TMEFF2: variants seen among roughly 807,000 people sequenced by gnomAD.
The protein encoded by TMEFF2 is tomoregulin-2.
In TMEFF2, 28 loss-of-function variants were observed where a neutral mutation model predicts 53.8. The observed-to-expected ratio is 0.52, with a 90% CI of 0.39 to 0.71. The LOEUF (loss-of-function observed/expected upper bound fraction) is 0.71, where lower values mean the gene tolerates loss of function less well. TMEFF2 is among the 30% of genes least tolerant of loss of function. The pLI, the probability that TMEFF2 is intolerant of heterozygous loss-of-function variation, is 0.00. For synonymous variants in TMEFF2, 162 were observed against 166.3 expected (o/e 0.97, Z 0.20); for missense variants, 353 against 455.2 (o/e 0.78, Z 2.04).
In TMEFF2 at chr2:192,194,149, C is replaced by G. The variant is rs571283140; in HGVS notation, c.172+204G>C. On this transcript the variant is annotated intron_variant, in intron 1 of 9. Transcript: ENST00000272771. This position sits in a 1 kb window ranked among gnomAD's most constrained non-coding sequence, Gnocchi z 4.2. ...GCAAAGGTTTCCTGCTACACCTGCA[C>G]TTTCTGCCCATCCCAGAACCACCCC... Among the ~76,000 whole-genome samples the G allele has an allele frequency of 2.0e-4, 30 of 152,274 alleles. No individual in the cohort carries two copies. Among genetic ancestry groups the G allele is most frequent in the Non-Finnish European group, 3.4e-4 (23 of 68,016 alleles).
At chr2:192,162,147 C>A (rs781028400) in intron 4 of TMEFF2, among the ~76,000 whole-genome samples, 1 of 151,990 alleles carries the variant, frequency 6.6e-6, no homozygotes, top group Non-Finnish European at 1.5e-5. Context: ...GCAAATGACC[C>A]CAAAGTAAAC....
intron 5 of TMEFF2, among the ~76,000 whole-genome samples, chr2:192,008,542 A>T (rs1686554866): frequency 6.6e-6 from 1 of 152,224 alleles, no homozygotes; most frequent in African/African-American, 2.4e-5. Flanking sequence ...TGGAAAACAT[A>T]TTCAATAACC....
At chr2:191,969,772 A>G (rs1692582262) in intron 7 of TMEFF2, among the ~76,000 whole-genome samples, 1 of 152,200 alleles carries the variant, frequency 6.6e-6, no homozygotes, top group African/African-American at 2.4e-5. Context: ...GCCAGAAGGC[A>G]TACCATCTCT....
chr2:192,139,406 T>C (rs1429533904), intron 4 of TMEFF2, among the ~76,000 whole-genome samples: 2 of 152,156 alleles, frequency 1.3e-5, no homozygotes, highest in Non-Finnish European at 2.9e-5. Context: ...CAAGAGGTAA[T>C]TGAAGCACAA....
At chr2:192,061,491 G>A (rs1688043136) in intron 4 of TMEFF2, among the ~76,000 whole-genome samples, 1 of 152,096 alleles carries the variant, frequency 6.6e-6, no homozygotes, top group Non-Finnish European at 1.5e-5. Flanking sequence ...TATATGTGAG[G>A]ATGTGCATAG....
chr2:192,130,323 T>A (rs192351983), intron 4 of TMEFF2, among the ~76,000 whole-genome samples: 3 of 152,278 alleles, frequency 2.0e-5, no homozygotes, highest in Non-Finnish European at 4.4e-5. Flanking sequence ...CTTCTAATAA[T>A]GCAATCTCCA....
chr2:192,140,227 A>T (rs1400227696), intron 4 of TMEFF2, among the ~76,000 whole-genome samples: 1 of 152,202 alleles, frequency 6.6e-6, no homozygotes, highest in African/African-American at 2.4e-5. Flanking sequence ...AGGACAGAAG[A>T]TGTTTTCTTG....
intron 7 of TMEFF2, among the ~76,000 whole-genome samples, chr2:191,968,896 AAATT>A (rs1233072232): frequency 8.5e-5 from 13 of 152,140 alleles, no homozygotes; most frequent in Admixed American, 2.0e-4. Context: ...AGAAAAAAAT[AAATT>A]GAGTTTTTGG....
rs138833956 is a variant in TMEFF2 at position 192,050,058 on chromosome 2, T to G, written c.536+7621A>C. Among the ~76,000 whole-genome samples, 422 of 152,256 alleles carry G rather than the reference T, an allele frequency of 2.8e-3. 3 individuals carry two copies. Among genetic ancestry groups the G allele is most frequent in the African/African-American group, 9.7e-3 (403 of 41,556 alleles). On this transcript the variant is annotated intron_variant, in intron 5 of 9. Coordinates refer to ENST00000272771, the MANE Select transcript of TMEFF2 (RefSeq NM_016192.4). ...GAAACAAGTAATGAAAACTGTTAAG[T>G]TAGTGGTAGAAATACAATCTGTACT...
intron 3 of TMEFF2, among the ~76,000 whole-genome samples, chr2:192,182,013 G>C (rs752904743): frequency 4.6e-5 from 7 of 151,880 alleles, no homozygotes; most frequent in Non-Finnish European, 1.0e-4. Flanking sequence ...AAGAAGTCAT[G>C]CTGTTAGACC....
chr2:192,193,704 C>T (rs1440053166), intron 1 of TMEFF2, among the ~76,000 whole-genome samples: 1 of 148,942 alleles, frequency 6.7e-6, no homozygotes, highest in Non-Finnish European at 1.5e-5. Flanking sequence ...ACTGCAAAAC[C>T]AATGTCTTTT....
chr2:192,078,066 TAAGAA>T lies in TMEFF2; in HGVS notation c.440-20296_440-20292del, dbSNP rs1054860718. On this transcript the variant is annotated intron_variant, in intron 4 of 9. Transcript: ENST00000272771. ...TCAAATCTGACCAATTATAAACACT[TAAGAA>T]AAGGAAAGAATGCTTATTCCAAAGG... Among the ~76,000 whole-genome samples, 12 of 152,056 alleles carry T rather than the reference TAAGAA, an allele frequency of 7.9e-5. No homozygotes were observed. In the South Asian group the frequency reaches 1.0e-3, roughly 13 times the overall value.
chr2:191,949,339 C>A lies in TMEFF2; in HGVS notation c.*972G>T. 2.0e-6 allele frequency: 2 copies of A among 985,400 alleles called. No individual in the cohort carries two copies. The highest frequency in any genetic ancestry group is 2.4e-6 in the Non-Finnish European group (2 of 829,912). 61.0% of individuals were successfully genotyped at this position (985,400 alleles called of 1,614,324 possible). ...TTTCATGAAATATCGTCATCATCAT[C>A]TTAGTTCCATTACAAATTATGGTGC... On this transcript the variant is annotated 3_prime_UTR_variant, in exon 10 of 10. Coordinates refer to ENST00000272771, the MANE Select transcript of TMEFF2 (RefSeq NM_016192.4).
intron 4 of TMEFF2, among the ~76,000 whole-genome samples, chr2:192,105,877 A>T (rs1689134201): frequency 6.6e-6 from 1 of 151,934 alleles, no homozygotes; most frequent in East Asian, 1.9e-4. Flanking sequence ...AACTTGTGTC[A>T]GAAATAGGGT....
chr2:192,138,322 G>A lies in TMEFF2; in HGVS notation c.439+41346C>T, dbSNP rs555775214. ...TTGTGACATCGGTACAGATATCTGA[G>A]CCAACGTAAGTGGCTAAGGGATAAT... is the stretch of plus-strand genomic sequence containing the variant. On this transcript the variant is annotated intron_variant, in intron 4 of 9. Coordinates refer to ENST00000272771, the MANE Select transcript of TMEFF2 (RefSeq NM_016192.4). 1.4e-4 allele frequency among the ~76,000 whole-genome samples: 22 copies of A among 152,310 alleles called. No individual in the cohort carries two copies. In the East Asian group the frequency reaches 3.9e-3, roughly 27 times the overall value.
chr2:191,963,340 C>T (rs1461792374), intron 7 of TMEFF2, among the ~76,000 whole-genome samples: 2 of 152,164 alleles, frequency 1.3e-5, no homozygotes, highest in Non-Finnish European at 2.9e-5. Context: ...TGTGGTTAAT[C>T]CAGGCATCCT....
At chr2:192,142,635 T>A (rs756029147) in intron 4 of TMEFF2, among the ~76,000 whole-genome samples, 25 of 152,250 alleles carry the variant, frequency 1.6e-4, no homozygotes, top group Non-Finnish European at 3.4e-4. Flanking sequence ...AAAGAAGTGT[T>A]AACTAAAAAT....
chr2:192,147,676 C>T (rs1420197625), intron 4 of TMEFF2, among the ~76,000 whole-genome samples: 3 of 152,044 alleles, frequency 2.0e-5, no homozygotes, highest in African/African-American at 7.2e-5. Context: ...GCTACATCTA[C>T]TTGCAATTTC....
intron 5 of TMEFF2, among the ~76,000 whole-genome samples, chr2:192,049,898 G>A (rs940934165): frequency 2.6e-5 from 4 of 152,146 alleles, no homozygotes; most frequent in Non-Finnish European, 4.4e-5. Context: ...CTACCCGGGA[G>A]GCTGAGGCAG....
Sources: gnomAD v4.1 joint callset for allele counts (sites outside exome capture counted in the v4.1 genomes callset) on GRCh38, gnomAD v4.1.1 for gene constraint, Gnocchi (gnomAD v3.1) non-coding constraint, MANE v1.5 for transcripts, NCBI Gene and HGNC (gene_info 2026-07-23, HGNC 2026-07-21) for gene names.